Variants in C3orf33 observed in about 807,000 individuals in gnomAD.
C3orf33 encodes AP-1 activity suppressor.
Under a neutral mutation model 28.7 loss-of-function variants are expected in C3orf33, and 23 were observed. The observed-to-expected ratio is 0.80, with a 90% CI of 0.58 to 1.13. The LOEUF (loss-of-function observed/expected upper bound fraction) is 1.13. C3orf33 is among the 50% of genes most tolerant of loss of function. The probability of loss-of-function intolerance (pLI) is 0.00; values close to 1 mark genes in which losing one functional copy is unlikely to be tolerated. For synonymous variants in C3orf33, 119 were observed against 120.5 expected, an observed-to-expected ratio of 0.99 and a Z score of 0.08; for missense variants, 327 against 353.4, an observed-to-expected ratio of 0.93 and a Z score of 0.60.
chr3:155,788,727 G>A (rs1386481978), intron 2 of C3orf33, among the ~76,000 whole-genome samples: 3 of 151,022 alleles, frequency 2.0e-5, no homozygotes, highest in Non-Finnish European at 1.5e-5. Context: ...TATACTCAAT[G>A]ATGAAAAACT....
rs149308874 is a variant in C3orf33 at position 155,795,738 on chromosome 3, C to T, written c.174+6794G>A. Reference sequence around the variant, plus strand: ...TAGGAGGCCAAGGCGGGCAGATCACCTGAGGTCAGGAATTCAAGACCAGCC... The same window carrying T: ...TAGGAGGCCAAGGCGGGCAGATCACTTGAGGTCAGGAATTCAAGACCAGCC... On this transcript the variant is annotated intron_variant, in intron 2 of 4. Coordinates refer to ENST00000340171, the MANE Select transcript of C3orf33 (RefSeq NM_001308229.2). Among the ~76,000 whole-genome samples the T allele has an allele frequency of 1.2e-3, 188 of 152,044 alleles. 3 individuals are homozygous for T. In the East Asian group the frequency reaches 0.034, roughly 28 times the overall value.
chr3:155,786,601 C>T (rs1316106377), intron 2 of C3orf33, among the ~76,000 whole-genome samples: 24 of 152,062 alleles, frequency 1.6e-4, no homozygotes, highest in Admixed American at 4.6e-4. Flanking sequence ...CCAAGGCAGG[C>T]GGATCATCTG....
At chr3:155,788,099 G>A (rs1344773340) in intron 2 of C3orf33, among the ~76,000 whole-genome samples, 2 of 151,806 alleles carry the variant, frequency 1.3e-5, no homozygotes, top group Non-Finnish European at 2.9e-5. Context: ...GCTGAGCCAG[G>A]AGAATGGCGT....
At chr3:155,766,324 A>G (rs1180012341) in intron 4 of C3orf33, among the ~76,000 whole-genome samples, 2 of 152,262 alleles carry the variant, frequency 1.3e-5, no homozygotes, top group Non-Finnish European at 2.9e-5. Flanking sequence ...AGCAACAAAG[A>G]TGAAACTGTC....
chr3:155,767,298 ATTTT>A lies in C3orf33; in HGVS notation c.483+207_483+210del, dbSNP rs529151028. ...AATTTGAAGTTTTTCTTTTTTCTTA[ATTTT>A]ATTTTTTCTATATTAAACATATATT... On this transcript the variant is annotated intron_variant, in intron 4 of 4. Transcript: ENST00000340171. 3.1e-3 allele frequency among the ~76,000 whole-genome samples: 478 copies of A among 151,932 alleles called. 2 individuals carry two copies. The highest frequency in any genetic ancestry group is 0.011 in the African/African-American group (446 of 41,436).
chr3:155,790,745 C>T (rs1751290510), intron 2 of C3orf33, among the ~76,000 whole-genome samples: 1 of 152,098 alleles, frequency 6.6e-6, no homozygotes, highest in Non-Finnish European at 1.5e-5. Flanking sequence ...TAAAACTGAG[C>T]CGGGGCCCAC....
At chr3:155,794,725 C>T (rs1751428490) in intron 2 of C3orf33, among the ~76,000 whole-genome samples, 1 of 151,906 alleles carries the variant, frequency 6.6e-6, no homozygotes, top group African/African-American at 2.4e-5. Flanking sequence ...AGAAGAGCAG[C>T]AGTAGCTATA....
In C3orf33 at chr3:155,788,719, T is replaced by C. The variant is rs60509211; in HGVS notation, c.175-12871A>G. Among the ~76,000 whole-genome samples the C allele has an allele frequency of 5.5e-3, 835 of 151,506 alleles. 7 individuals carry two copies. Among genetic ancestry groups the C allele is most frequent in the African/African-American group, 0.019 (800 of 41,302 alleles). On this transcript the variant is annotated intron_variant, in intron 2 of 4. Transcript: ENST00000340171. The stretch of plus-strand genomic sequence containing the variant: ...AAAGAAAAAACCATAGTGAACATTA[T>C]ACTCAATGATGAAAAACTGAAAGCT...
At chr3:155,776,768 A>AAAAAAAAAAAAAAAAAAG in intron 2 of C3orf33, among the ~76,000 whole-genome samples, 1 of 90,428 alleles carries the variant, frequency 1.1e-5, no homozygotes, top group Non-Finnish European at 2.1e-5. Flanking sequence ...TCAAAAAAAA[A>AAAAAAAAAAAAAAAAAAG]AAAAAAAAAA....
intron 2 of C3orf33, among the ~76,000 whole-genome samples, chr3:155,795,293 T>C (rs1187191786): frequency 6.6e-6 from 1 of 151,940 alleles, no homozygotes; most frequent in Non-Finnish European, 1.5e-5. Context: ...CTGTCTCTAC[T>C]AAAAATACAA....
chr3:155,787,652 G>A (rs1158454284), intron 2 of C3orf33, among the ~76,000 whole-genome samples: 3 of 149,894 alleles, frequency 2.0e-5, no homozygotes, highest in Admixed American at 6.7e-5. Context: ...GTGCCCAGCC[G>A]TATGCCCAGC....
At chr3:155,781,505 C>T (rs1245221167) in intron 2 of C3orf33, among the ~76,000 whole-genome samples, 3 of 152,098 alleles carry the variant, frequency 2.0e-5, no homozygotes, top group African/African-American at 7.2e-5. Context: ...CGCAGTGGCT[C>T]ACACCTGTAA....
chr3:155,789,108 A>G (rs1751234782), intron 2 of C3orf33, among the ~76,000 whole-genome samples: 1 of 152,210 alleles, frequency 6.6e-6, no homozygotes, highest in South Asian at 2.1e-4. Flanking sequence ...GCACTTTGGG[A>G]GGCCAAGGTG....
At chr3:155,777,516 C>T (rs1397391081) in intron 2 of C3orf33, among the ~76,000 whole-genome samples, 1 of 151,972 alleles carries the variant, frequency 6.6e-6, no homozygotes, top group African/African-American at 2.4e-5. Flanking sequence ...TCCTGGCTCA[C>T]TGTAGCCTCG....
At chr3:155,773,462 G>C (rs1428115618) in intron 3 of C3orf33, among the ~76,000 whole-genome samples, 1 of 152,198 alleles carries the variant, frequency 6.6e-6, no homozygotes, top group Non-Finnish European at 1.5e-5. Context: ...CTGTTTTCTA[G>C]CTTTGATTTC....
In C3orf33 at chr3:155,795,310, G is replaced by C. The variant is rs145019853; in HGVS notation, c.174+7222C>G. On this transcript the variant is annotated intron_variant, in intron 2 of 4. Transcript: ENST00000340171. ...GTCTCTACTAAAAATACAAAAATTA[G>C]CCAGACGTGGTGGTGCATGCCTGTA... 1.9e-3 allele frequency among the ~76,000 whole-genome samples: 283 copies of C among 152,180 alleles called. 1 individual carries two copies. Among genetic ancestry groups the C allele is most frequent in the African/African-American group, 6.7e-3 (278 of 41,522 alleles).
At chr3:155,778,214 T>G (rs959072936) in intron 2 of C3orf33, among the ~76,000 whole-genome samples, 1 of 148,514 alleles carries the variant, frequency 6.7e-6, no homozygotes, top group Admixed American at 6.8e-5. Context: ...ACATAACAAG[T>G]AAATATAATG....
intron 4 of C3orf33, among the ~76,000 whole-genome samples, chr3:155,767,124 C>T (rs1750433490): frequency 6.6e-6 from 1 of 151,426 alleles, no homozygotes; most frequent in Admixed American, 6.6e-5. Flanking sequence ...GTGGCGGCGC[C>T]CATGTGTAGT....
At chr3:155,776,759 CAAAAAAAAAA>C (rs10654812) in intron 2 of C3orf33, among the ~76,000 whole-genome samples, 212 of 86,920 alleles carry the variant, frequency 2.4e-3, no homozygotes, top group African/African-American at 6.1e-3. Context: ...CTGACTCTGT[CAAAAAAAAAA>C]AAAAAAAAAA....
Sources: gnomAD v4.1 joint callset for allele counts (sites outside exome capture counted in the v4.1 genomes callset) on GRCh38, gnomAD v4.1.1 for gene constraint, MANE v1.5 for transcripts, NCBI Gene and HGNC (gene_info 2026-07-23, HGNC 2026-07-21) for gene names.